GCA: variants seen among roughly 807,000 people sequenced by gnomAD.
The protein encoded by GCA is grancalcin, EF-hand calcium-binding protein.
In GCA, 30 loss-of-function variants were observed where a neutral mutation model predicts 32.6. That is an observed-to-expected ratio of 0.92 (90% confidence interval 0.69 to 1.25). GCA has a LOEUF of 1.25. Ranked by LOEUF, GCA falls within the 50% of genes most tolerant of loss-of-function variation. GCA has a pLI of 0.00. For synonymous variants in GCA, 102 were observed against 84.6 expected, an observed-to-expected ratio of 1.21 and a Z score of -1.13; for missense variants, 291 against 266.8, an observed-to-expected ratio of 1.09 and a Z score of -0.63.
At chr2:162,338,303 C>T (rs1684337494) in intron 1 of GCA, among the ~76,000 whole-genome samples, 1 of 152,124 alleles carries the variant, frequency 6.6e-6, no homozygotes, top group African/African-American at 2.4e-5. Flanking sequence ...GAGATGATCT[C>T]AGCTTTTAGT....
chr2:162,346,957 G>A (rs187295797), intron 1 of GCA, among the ~76,000 whole-genome samples: 8 of 152,284 alleles, frequency 5.3e-5, no homozygotes, highest in Non-Finnish European at 1.0e-4. Context: ...AAACAAGTGG[G>A]AGGCCAGCAT....
intron 7 of GCA, among the ~76,000 whole-genome samples, chr2:162,359,949 T>C (rs1685490371): frequency 6.6e-6 from 1 of 151,278 alleles, no homozygotes; most frequent in African/African-American, 2.4e-5. Flanking sequence ...TGGTTACTAT[T>C]AACCTGATAT....
downstream of GCA, chr2:162,371,707 G>T: frequency 2.1e-6 from 2 of 969,120 alleles, no homozygotes; most frequent in Non-Finnish European, 3.0e-6. Context: ...AAAATATACA[G>T]TACTTTTGCA....
In GCA at chr2:162,347,148, A is replaced by G. The variant is rs571913884; in HGVS notation, c.28-430A>G. Among the ~76,000 whole-genome samples, 420 of 152,346 alleles carry G rather than the reference A, an allele frequency of 2.8e-3. 24 individuals are homozygous for G. The South Asian group carries it at 0.085, about 31-fold the overall frequency. Reference sequence around the variant, plus strand: ...TTGTAAAGAATACAATACCCAACATATTGTAAATGTTGACACTTAAAGTTT... The same window carrying G: ...TTGTAAAGAATACAATACCCAACATGTTGTAAATGTTGACACTTAAAGTTT... On this transcript the variant is annotated intron_variant, in intron 1 of 7. Coordinates refer to ENST00000437150, the MANE Select transcript of GCA (RefSeq NM_012198.5).
chr2:162,324,352 A>T (rs1177462656), intron 1 of GCA, among the ~76,000 whole-genome samples: 1 of 152,038 alleles, frequency 6.6e-6, no homozygotes, highest in African/African-American at 2.4e-5. Context: ...TCAGAAGGGG[A>T]TGGAGTGGAA....
chr2:162,321,859 A>C (rs1315460343), intron 1 of GCA, among the ~76,000 whole-genome samples: 2 of 143,418 alleles, frequency 1.4e-5, no homozygotes, highest in Non-Finnish European at 3.0e-5. Flanking sequence ...AGAATGCACA[A>C]TTTATAAAGG....
chr2:162,370,966 A>G (rs1181540334), intron 4 of GCA, among the ~76,000 whole-genome samples: 1 of 151,978 alleles, frequency 6.6e-6, no homozygotes, highest in African/African-American at 2.4e-5. Context: ...GGGTTTTGCC[A>G]TGTTGCCCAG....
downstream of GCA, chr2:162,372,172 T>G (rs1173635131): frequency 1.7e-6 from 2 of 1,188,226 alleles, no homozygotes; most frequent in Admixed American, 2.4e-5. Flanking sequence ...TAATAAAAAC[T>G]TAAGCATTTT....
At chr2:162,332,319 A>G (rs1178091648) in intron 1 of GCA, among the ~76,000 whole-genome samples, 276 of 136,912 alleles carry the variant, frequency 2.0e-3, no homozygotes, top group African/African-American at 6.6e-3. Context: ...AAAAAAAAAA[A>G]AAAATATATA....
chr2:162,334,607 A>G (rs936592607), intron 1 of GCA, among the ~76,000 whole-genome samples: 3 of 152,142 alleles, frequency 2.0e-5, no homozygotes, highest in African/African-American at 7.2e-5. Flanking sequence ...TTGTGATTCT[A>G]TGGCATCCTG....
intron 1 of GCA, among the ~76,000 whole-genome samples, chr2:162,347,293 T>C (rs867161156): frequency 2.6e-5 from 4 of 152,190 alleles, no homozygotes; most frequent in Admixed American, 6.5e-5. Flanking sequence ...TTGGTAAACA[T>C]TTTTTAAAAT....
chr2:162,369,912 G>T (rs1008115037), intron 4 of GCA, among the ~76,000 whole-genome samples: 1 of 152,106 alleles, frequency 6.6e-6, no homozygotes, highest in South Asian at 2.1e-4. Flanking sequence ...AAATAGTTTG[G>T]GAAGCTGGTT....
rs562229202 is a variant in GCA at position 162,322,403 on chromosome 2, T to G, written c.-31+3178T>G. 1.1e-4 allele frequency among the ~76,000 whole-genome samples: 16 copies of G among 143,508 alleles called. 1 individual carries two copies. Among genetic ancestry groups the G allele is most frequent in the African/African-American group, 4.5e-4 (16 of 35,372 alleles). 94.1% of individuals were successfully genotyped at this position (143,508 alleles called of 152,430 possible). ...TATTTTACTTTATTTATTTATTTATTTATTTATTTATTTATTATTATACTT... is the reference window on the plus strand; with the variant it reads ...TATTTTACTTTATTTATTTATTTATGTATTTATTTATTTATTATTATACTT... On this transcript the variant is annotated intron_variant, in intron 1 of 4. Transcript: ENST00000429691.
In GCA at chr2:162,356,741, G is replaced by A. The variant is rs1558901515; in HGVS notation, c.307-17G>A. ...AACTCAGGTATCAGAATTTATTTTT[G>A]TTAATAAAACTATCAGAGAGATCAC... On this transcript the variant is annotated splice_polypyrimidine_tract_variant and intron_variant, in intron 4 of 7. Coordinates refer to ENST00000437150, the MANE Select transcript of GCA (RefSeq NM_012198.5). 6.4e-7 allele frequency: 1 copy of A among 1,573,758 alleles called. No individual in the cohort carries two copies. The highest frequency in any genetic ancestry group is 1.4e-5 in the African/African-American group (1 of 73,650).
In GCA at chr2:162,360,831, ATTG is replaced by A; in HGVS notation, c.*591_*593del. On this transcript the variant is annotated 3_prime_UTR_variant, in exon 8 of 8. Coordinates refer to ENST00000437150, the MANE Select transcript of GCA (RefSeq NM_012198.5). ...GTAGTGAAATAAGACTACAGAAGGC[ATTG>A]TTTTTTCCTTTTTTATTTTTTGTAT... is the stretch of plus-strand genomic sequence containing the variant. 1 of 1,207,866 alleles carries A rather than the reference ATTG, an allele frequency of 8.3e-7. No homozygotes were observed. The allele number at this position is 1,207,866 out of a possible 1,614,324, so 74.8% of individuals were successfully genotyped here.
chr2:162,330,135 A>G (rs930829328), intron 1 of GCA, among the ~76,000 whole-genome samples: 13 of 151,798 alleles, frequency 8.6e-5, no homozygotes, highest in African/African-American at 2.4e-5. Context: ...CAATGAATGC[A>G]TGCACACAGG....
In GCA at chr2:162,352,369, G is replaced by A. The variant is rs1461195511; in HGVS notation, c.224G>A (p.Arg75Lys). The change falls in exon 3 of 8, where the codon AGA (arginine) becomes AAA (lysine). Residue 75 changes from arginine to lysine, a missense_variant. Physicochemically the swap from Arg to Lys is conservative, Grantham distance 26 (BLOSUM62 2). Coordinates refer to ENST00000437150, the MANE Select transcript of GCA (RefSeq NM_012198.5). Reference protein sequence around the residue: ...DGEVDAEELQRCLTQSGINGT... With the variant: ...DGEVDAEELQKCLTQSGINGT... ...GAAGTGGATGCTGAAGAACTTCAGA[G>A]ATGTTTGACACAGTCTGGAATTAAT... The A allele has an allele frequency of 6.3e-7, 1 of 1,596,288 alleles. No individual in the cohort carries two copies. The highest frequency in any genetic ancestry group is 1.7e-5 in the Admixed American group (1 of 59,958).
chr2:162,321,099 T>A (rs996441677), intron 1 of GCA, among the ~76,000 whole-genome samples: 5 of 152,192 alleles, frequency 3.3e-5, no homozygotes, highest in Non-Finnish European at 5.9e-5. Context: ...GGACCCTTTT[T>A]GGAGAAAGGA....
chr2:162,326,052 G>A (rs1205704945), intron 1 of GCA, among the ~76,000 whole-genome samples: 4 of 152,256 alleles, frequency 2.6e-5, no homozygotes, highest in Middle Eastern at 3.4e-3. Flanking sequence ...AGAGGAGCAG[G>A]GCTTGAGGGA....
Sources: allele counts gnomAD v4.1 joint callset (sites outside exome capture counted in the v4.1 genomes callset), GRCh38; gene constraint gnomAD v4.1.1; transcripts MANE v1.5; gene names NCBI Gene and HGNC (gene_info 2026-07-23, HGNC 2026-07-21).